Variants in SF3B3 observed in about 807,000 individuals in gnomAD.
The protein encoded by SF3B3 is SAP 130.
In SF3B3, 33 loss-of-function variants were observed where a neutral mutation model predicts 139.2. The observed-to-expected ratio is 0.24, with a 90% confidence interval of 0.18 to 0.32. The LOEUF is 0.32. Ranked by LOEUF, SF3B3 falls within the 10% of genes least tolerant of loss-of-function variation. The pLI is 1.00. For synonymous variants in SF3B3, 596 were observed against 563.6 expected, an observed-to-expected ratio of 1.06 and a Z score of -0.81; for missense variants, 818 against 1,509.4, an observed-to-expected ratio of 0.54 and a Z score of 7.59.
intron 24 of SF3B3, among the ~76,000 whole-genome samples, chr16:70,570,805 G>C (rs1384766621): frequency 5.9e-5 from 9 of 152,206 alleles, no homozygotes; most frequent in Non-Finnish European, 1.2e-4. Flanking sequence ...AGGTTTGCCA[G>C]AGTTTGGCAT....
chr16:70,534,419 A>G (rs1385073240), intron 5 of SF3B3, among the ~76,000 whole-genome samples: 1 of 152,214 alleles, frequency 6.6e-6, no homozygotes, highest in Non-Finnish European at 1.5e-5. Flanking sequence ...CATTTTGGCT[A>G]ATGAAATGGA....
At chr16:70,541,890 A>G (rs995011185) in intron 9 of SF3B3, 56 bp downstream of exon 9, 4 of 1,445,108 alleles carry the variant, frequency 2.8e-6, no homozygotes. Flanking sequence ...ACTGAGGTCT[A>G]GTCTAAGAAA....
chr16:70,548,601 G>T, intron 11 of SF3B3, 159 bp downstream of exon 11: 1 of 607,768 alleles, frequency 1.6e-6, no homozygotes, highest in Non-Finnish European at 2.9e-6. Context: ...TTCCGTTCAG[G>T]ATGCCTTCAC....
At chr16:70,529,455 A>G (rs2050099738) in intron 3 of SF3B3, 5 of 510,628 alleles carry the variant, frequency 9.8e-6, no homozygotes, top group Non-Finnish European at 1.8e-5. Context: ...TTTGGCAAAA[A>G]GACTACAATG....
chr16:70,550,525 G>A (rs768115774), intron 11 of SF3B3: 7 of 288,570 alleles, frequency 2.4e-5, no homozygotes, highest in African/African-American at 1.1e-4. Flanking sequence ...CCAGATACCC[G>A]AAGTTACTAT....
chr16:70,545,700 G>A (rs973140057), intron 10 of SF3B3, among the ~76,000 whole-genome samples: 4 of 152,222 alleles, frequency 2.6e-5, no homozygotes, highest in Middle Eastern at 3.4e-3. Context: ...TTTGAATTCT[G>A]GCTCTACCAC....
At position 70,571,948 on chromosome 16, in the gene SF3B3, C is replaced by G. The variant is rs77441763; in HGVS notation, c.*135C>G. 3.8e-5 allele frequency: 41 copies of G among 1,069,894 alleles called. 1 individual carries two copies. In the East Asian group the frequency reaches 3.9e-4, roughly 10 times the overall value. 66.3% of individuals were successfully genotyped at this position (1,069,894 alleles called of 1,614,324 possible). A position where few individuals can be genotyped will look rare whatever the true frequency, so the allele number is the denominator to read the frequency against. On this transcript the variant is annotated 3_prime_UTR_variant, in exon 26 of 26. Coordinates refer to ENST00000302516, the MANE Select transcript of SF3B3 (RefSeq NM_012426.5). ...GACTGCATTATGAAAGTCAACAGCT[C>G]TTTCCCCTCAGCTCTTCTCCTGGAA...
In SF3B3 at chr16:70,565,503, A is replaced by T. The variant is rs748833404; in HGVS notation, c.2805A>T (p.Glu935Asp). 1 of 1,613,856 alleles carries T rather than the reference A, an allele frequency of 6.2e-7. No homozygotes were observed. Among genetic ancestry groups the T allele is most frequent in the East Asian group, 2.2e-5 (1 of 44,886 alleles). ...CTTACAAGCTTGTGAACAATGGGGA[A>T]AAACTGGAGTTTTTGCACAAGGTAG... ...VYTYKLVNNG[E>D]KLEFLHKTPV... Residue 935 changes from glutamate (E) to aspartate (D), a missense_variant, in exon 20 of 26, where the codon GAA (glutamate) becomes GAT (aspartate). Glu to Asp is a conservative substitution (Grantham distance 45, BLOSUM62 2). Transcript: ENST00000302516.
chr16:70,536,929 G>A (rs2050174424), intron 6 of SF3B3, among the ~76,000 whole-genome samples: 1 of 149,800 alleles, frequency 6.7e-6, no homozygotes, highest in Non-Finnish European at 1.5e-5. Flanking sequence ...TTCCATCTCA[G>A]CCTCCCAAGT....
At chr16:70,571,271 A>C in intron 25 of SF3B3, 72 bp downstream of exon 25, 8 of 1,149,328 alleles carry the variant, frequency 7.0e-6, no homozygotes, top group Non-Finnish European at 1.1e-5. Context: ...ATTGATGGGA[A>C]TAGTACCAGG....
At chr16:70,557,052 T>C (rs764263403) in intron 15 of SF3B3, 23 bp downstream of exon 15, 6 of 1,584,148 alleles carry the variant, frequency 3.8e-6, no homozygotes, top group South Asian at 3.5e-5. Context: ...GAGGCCCACA[T>C]TGTGGACATT....
In SF3B3 at chr16:70,566,065, C is replaced by T. The variant is rs140006038; in HGVS notation, c.2826+541C>T. ...CCGGGAGGCGGAGGTTGCAGTGAGC[C>T]GAGATTGCGCCATTGCACTCTAGCC... On this transcript the variant is annotated intron_variant, in intron 20 of 25. Transcript: ENST00000302516. 6.5e-4 allele frequency among the ~76,000 whole-genome samples: 98 copies of T among 150,326 alleles called. 1 individual carries two copies. The East Asian group carries it at 0.016, about 25-fold the overall frequency.
chr16:70,556,045 A>G (rs2050377183), intron 13 of SF3B3, 134 bp from the exon 14 acceptor site: 5 of 816,180 alleles, frequency 6.1e-6, no homozygotes, highest in Non-Finnish European at 7.8e-6. Context: ...TTACTATAGT[A>G]AGAGGAGTGA....
intron 24 of SF3B3, 36 bp downstream of exon 24, chr16:70,570,185 A>C (rs1447265221): frequency 8.7e-6 from 14 of 1,610,950 alleles, no homozygotes; most frequent in Non-Finnish European, 1.2e-5. Flanking sequence ...CTTGACTTTT[A>C]AGGTTGTTTC....
chr16:70,555,817 A>G (rs2050375240), intron 13 of SF3B3, among the ~76,000 whole-genome samples: 1 of 152,174 alleles, frequency 6.6e-6, no homozygotes, highest in Non-Finnish European at 1.5e-5. Flanking sequence ...CTCTGTCTTT[A>G]ACCATATTTG....
chr16:70,570,119 T>G lies in SF3B3; in HGVS notation c.3378T>G (p.Ile1126Met). Reference sequence around the variant, plus strand: ...TCTATACCACCTTGTCTGGAGGAATTGGCATCCTTGTGCCATTCACGTCCC... The same window carrying G: ...TCTATACCACCTTGTCTGGAGGAATGGGCATCCTTGTGCCATTCACGTCCC... ...SLVYTTLSGGIGILVPFTSHE... is the reference protein window; with the variant it reads ...SLVYTTLSGGMGILVPFTSHE... Residue 1126 changes from isoleucine to methionine, a missense_variant, in exon 24 of 26, where the codon ATT (isoleucine) becomes ATG (methionine). Physicochemically the swap from Ile to Met is conservative, Grantham distance 10. Coordinates refer to ENST00000302516, the MANE Select transcript of SF3B3 (RefSeq NM_012426.5). 6.2e-7 allele frequency: 1 copy of G among 1,614,124 alleles called. No individual in the cohort carries two copies. Among genetic ancestry groups the G allele is most frequent in the South Asian group, 1.1e-5 (1 of 91,078 alleles).
chr16:70,544,184 G>A (rs533818279), intron 9 of SF3B3, among the ~76,000 whole-genome samples: 3 of 152,086 alleles, frequency 2.0e-5, no homozygotes, highest in Non-Finnish European at 4.4e-5. Flanking sequence ...TGGTGTGATG[G>A]CTGTATACCC....
At chr16:70,535,533 G>A in intron 6 of SF3B3, 113 bp downstream of exon 6, 1 of 532,018 alleles carries the variant, frequency 1.9e-6, no homozygotes, top group South Asian at 3.6e-5. Flanking sequence ...AAAAAATTCA[G>A]TGACCCTGGG....
chr16:70,529,298 T>G, intron 3 of SF3B3, 99 bp downstream of exon 3: 1 of 978,052 alleles, frequency 1.0e-6, no homozygotes, highest in Non-Finnish European at 1.5e-6. Context: ...TATGTGGGTT[T>G]GGCATCATGT....
Sources: gnomAD v4.1 joint callset for allele counts (sites outside exome capture counted in the v4.1 genomes callset) on GRCh38, gnomAD v4.1.1 for gene constraint, MANE v1.5 for transcripts, NCBI Gene and HGNC (gene_info 2026-07-23, HGNC 2026-07-21) for gene names.